ARSF: variants seen among roughly 807,000 people sequenced by gnomAD.
The protein encoded by ARSF is arylsulfatase F.
ARSF carries 33 observed loss-of-function variants against 35.4 expected under a neutral mutation model. The ratio of observed to expected loss-of-function variants is 0.93; its 90% CI spans 0.71 to 1.25. The LOEUF is 1.25. ARSF is among the 50% of genes most tolerant of loss of function. The pLI is 0.00. For missense variants in ARSF, 501 were observed against 480.2 expected (o/e 1.04, Z -0.40); for synonymous variants, 222 against 193.1 (o/e 1.15, Z -1.24).
At chrX:3,081,092 T>C in intron 5 of ARSF, 79 bp downstream of exon 5, 1 of 1,126,989 alleles carries the variant, frequency 8.9e-7, no homozygotes, top group Non-Finnish European at 1.2e-6. Context: ...TATGACTTTC[T>C]TGGAAACGCT....
intron 8 of ARSF, among the ~76,000 whole-genome samples, chrX:3,102,823 A>C (rs1294436950): frequency 2.7e-5 from 3 of 110,276 alleles, no homozygotes; most frequent in Non-Finnish European, 3.8e-5. Flanking sequence ...GAGGCAGGAG[A>C]ATGGCGTGAA....
intron 10 of ARSF, among the ~76,000 whole-genome samples, chrX:3,110,591 C>T (rs769707021): frequency 8.9e-6 from 1 of 112,345 alleles, no homozygotes; most frequent in African/African-American, 3.2e-5. Context: ...GTTAGAGAGA[C>T]ACTTTTACGA....
chrX:3,040,250 T>C (rs2089950052), upstream of ARSF, among the ~76,000 whole-genome samples: 2 of 110,839 alleles, frequency 1.8e-5, no homozygotes, highest in Non-Finnish European at 1.9e-5. Context: ...AGACTCAGAA[T>C]CCTTGACGCA....
chrX:3,068,020 CTTTT>C (rs756715933), intron 1 of ARSF, 49 bp from the exon 2 acceptor site: 659 of 749,441 alleles, frequency 8.8e-4, no homozygotes, highest in Non-Finnish European at 9.6e-4. Flanking sequence ...ATGAATGATA[CTTTT>C]TTTTTTTTTT....
rs774491704 is a variant in ARSF, at chrX:3,103,646, A to G, written c.1103-116A>G. 1.4e-4 allele frequency: 121 copies of G among 861,707 alleles called. No homozygotes were observed. The South Asian group carries it at 2.8e-3, about 20-fold the overall frequency. The allele number at this position is 861,707 out of a possible 1,213,427, so 71.0% of individuals were successfully genotyped here. A position where few individuals can be genotyped will look rare whatever the true frequency, so the allele number is the denominator to read the frequency against. Reference sequence around the variant, plus strand: ...CTTACCCCACTAGGACTCTACATAGAGTAGACACTATACAAATGTGATCTC... The same window carrying G: ...CTTACCCCACTAGGACTCTACATAGGGTAGACACTATACAAATGTGATCTC... On this transcript the variant is annotated intron_variant, in intron 8 of 10. Transcript: ENST00000381127.
At chrX:3,040,330 C>T (rs1308312018), upstream of ARSF, among the ~76,000 whole-genome samples, 4 of 111,102 alleles carry the variant, frequency 3.6e-5, no homozygotes, top group East Asian at 1.1e-3. Flanking sequence ...GGTTTCTCCT[C>T]CAGTGGAACC....
chrX:3,066,408 C>T (rs1417909138), intron 1 of ARSF, among the ~76,000 whole-genome samples: 2 of 111,175 alleles, frequency 1.8e-5, no homozygotes, highest in Admixed American at 9.6e-5. Flanking sequence ...TTCCCTCCCA[C>T]GTCCCCACCA....
chrX:3,095,653 T>C (rs999522624), intron 7 of ARSF, among the ~76,000 whole-genome samples: 3 of 110,189 alleles, frequency 2.7e-5, no homozygotes, highest in African/African-American at 6.5e-5. Flanking sequence ...AACTTTAATG[T>C]TAATTGCATT....
At chrX:3,056,772 T>G (rs140868487) in intron 1 of ARSF, among the ~76,000 whole-genome samples, 1 of 111,722 alleles carries the variant, frequency 9.0e-6, no homozygotes, top group African/African-American at 3.2e-5. Flanking sequence ...GCCGACTGCT[T>G]TATTAGAAAA....
chrX:3,053,758 A>AT (rs773968797), intron 1 of ARSF, among the ~76,000 whole-genome samples: 3,642 of 82,615 alleles, frequency 0.044, 101 homozygotes, highest in Non-Finnish European at 0.066. Context: ...CGCCTGGGTA[A>AT]TTTTTTTTTT....
intron 8 of ARSF, among the ~76,000 whole-genome samples, chrX:3,102,396 G>A (rs2090382959): frequency 8.9e-6 from 1 of 111,848 alleles, no homozygotes; most frequent in African/African-American, 3.2e-5. Flanking sequence ...TTCCATTCCT[G>A]AGTTACTTCA....
chrX:3,046,638 G>A (rs1411062547), intron 1 of ARSF, among the ~76,000 whole-genome samples: 1 of 111,698 alleles, frequency 9.0e-6, no homozygotes, highest in African/African-American at 3.3e-5. Context: ...TACTGCCTCT[G>A]TAGTTGCTAA....
chrX:3,089,451 A>G (rs936718749), intron 6 of ARSF, 45 bp from the exon 7 acceptor site: 13 of 1,190,166 alleles, frequency 1.1e-5, no homozygotes, highest in East Asian at 6.0e-5. Flanking sequence ...TTTCACATTC[A>G]TAGATATTGA....
intron 5 of ARSF, among the ~76,000 whole-genome samples, chrX:3,082,212 C>G (rs963816726): frequency 1.8e-5 from 2 of 111,847 alleles, no homozygotes; most frequent in African/African-American, 3.2e-5. Context: ...CTGAATAAGT[C>G]CCTTACTTCG....
chrX:3,059,647 C>T lies in ARSF; in HGVS notation c.-28-8426C>T, dbSNP rs143729348. Among the ~76,000 whole-genome samples, 1,070 of 112,660 alleles carry T rather than the reference C, an allele frequency of 9.5e-3. 16 individuals carry two copies. The highest frequency in any genetic ancestry group is 0.033 in the African/African-American group (1,014 of 31,124). ...CCAGGAGATTATATCCTGCACCTGG[C>T]TCGGCAGTTCCCACTCCCACAGAGC... On this transcript the variant is annotated intron_variant, in intron 1 of 10. Transcript: ENST00000381127.
chrX:3,088,572 T>C (rs2090265431), intron 6 of ARSF, among the ~76,000 whole-genome samples: 1 of 109,875 alleles, frequency 9.1e-6, no homozygotes, highest in Admixed American at 9.7e-5. Context: ...ATCTTTTTTT[T>C]TTTTTTTGAG....
At chrX:3,089,040 T>C (rs2090269183) in intron 6 of ARSF, among the ~76,000 whole-genome samples, 1 of 111,655 alleles carries the variant, frequency 9.0e-6, no homozygotes, top group African/African-American at 3.3e-5. Flanking sequence ...GCAGTTTCCC[T>C]GGTATGCACA....
chrX:3,073,727 TAATA>T (rs2090126662), intron 3 of ARSF, among the ~76,000 whole-genome samples: 1 of 97,686 alleles, frequency 1.0e-5, no homozygotes, highest in African/African-American at 3.6e-5. Flanking sequence ...AAATATATAT[TAATA>T]AATATGTATG....
chrX:3,063,483 G>C (rs1337421331), intron 1 of ARSF, among the ~76,000 whole-genome samples: 13 of 111,320 alleles, frequency 1.2e-4, no homozygotes, highest in African/African-American at 3.9e-4. Context: ...AGAAAGAAAG[G>C]GTTTTCAATT....
Sources: allele counts gnomAD v4.1 joint callset (sites outside exome capture counted in the v4.1 genomes callset), GRCh38; gene constraint gnomAD v4.1.1; transcripts MANE v1.5; gene names NCBI Gene and HGNC (gene_info 2026-07-23, HGNC 2026-07-21).